Variants in FAM135B observed in about 807,000 individuals in gnomAD.
FAM135B encodes the protein family with sequence similarity 135 member B, also known as protein FAM135B.
In FAM135B, 43 loss-of-function variants were observed where a neutral mutation model predicts 127.7. That is an observed-to-expected ratio of 0.34 (90% CI 0.26 to 0.43). The LOEUF (loss-of-function observed/expected upper bound fraction) is 0.43, where lower values mean the gene tolerates loss of function less well. Ranked by LOEUF, FAM135B falls within the 20% of genes least tolerant of loss-of-function variation. The pLI is 1.00. For synonymous variants in FAM135B, 670 were observed against 665.1 expected (o/e 1.01, Z -0.11); for missense variants, 1,558 against 1,725.6 (o/e 0.90, Z 1.72).
At chr8:138,423,196 T>G (rs992433788) in intron 1 of FAM135B, among the ~76,000 whole-genome samples, 7 of 152,176 alleles carry the variant, frequency 4.6e-5, no homozygotes, top group African/African-American at 1.7e-4. Context: ...ATGAAATAAT[T>G]TGTAAGCCAA....
rs1554662772 is a variant in FAM135B, at chr8:138,314,693, C to CAGTA, written c.78-3774_78-3773insTACT. 3.3e-5 allele frequency among the ~76,000 whole-genome samples: 4 copies of CAGTA among 120,296 alleles called. 1 individual carries two copies. Among genetic ancestry groups the CAGTA allele is most frequent in the South Asian group, 6.0e-4 (2 of 3,356 alleles). 78.9% of individuals were successfully genotyped at this position (120,296 alleles called of 152,430 possible). A position where few individuals can be genotyped will look rare whatever the true frequency, so the allele number is the denominator to read the frequency against. On this transcript the variant is annotated intron_variant, in intron 2 of 19. Coordinates refer to ENST00000395297, the MANE Select transcript of FAM135B (RefSeq NM_015912.4). ...GCAATATATGGAGACCCCATCCCTA[C>CAGTA]AATAAATAAATAAATAAATAAATAA...
At chr8:138,374,041 C>T (rs961016716) in intron 1 of FAM135B, among the ~76,000 whole-genome samples, 3 of 152,114 alleles carry the variant, frequency 2.0e-5, no homozygotes, top group Non-Finnish European at 4.4e-5. Flanking sequence ...GTGACACACA[C>T]CCTATTCGTA....
intron 19 of FAM135B, among the ~76,000 whole-genome samples, chr8:138,134,263 T>C (rs1816444407): frequency 1.3e-5 from 2 of 152,214 alleles, no homozygotes; most frequent in Admixed American, 6.5e-5. Flanking sequence ...TGTATGTGAA[T>C]ATTATGTAAT....
rs554346956 is a variant in FAM135B, at chr8:138,452,011, G to A, written c.-20+44660C>T. Among the ~76,000 whole-genome samples, 11 of 151,468 alleles carry A rather than the reference G, an allele frequency of 7.3e-5. No individual in the cohort carries two copies. In the East Asian group the frequency reaches 1.7e-3, roughly 24 times the overall value. On this transcript the variant is annotated intron_variant, in intron 1 of 19. Coordinates refer to ENST00000395297, the MANE Select transcript of FAM135B (RefSeq NM_015912.4). ...TTTTATAATTAAGTTGCATTTAAAT[G>A]CAGACAAAATACACTAATAAAAAAT...
chr8:138,335,223 C>T (rs1828481524), intron 2 of FAM135B, among the ~76,000 whole-genome samples: 1 of 152,144 alleles, frequency 6.6e-6, no homozygotes, highest in South Asian at 2.1e-4. Flanking sequence ...CCATGCCCAT[C>T]GGAGAACTCG....
intron 1 of FAM135B, among the ~76,000 whole-genome samples, chr8:138,369,795 C>T (rs1019524054): frequency 1.3e-5 from 2 of 152,178 alleles, no homozygotes; most frequent in African/African-American, 4.8e-5. Flanking sequence ...TAAACATCAA[C>T]AGCTGCATTG....
rs201444748 is a variant in FAM135B at position 138,141,178 on chromosome 8, G to A, written c.3790+20C>T. ...CCCCAGATTAATTCTGAGGAATGAC[G>A]AGTCCTAGAAGAATCTTACCTGTAC... is the stretch of plus-strand genomic sequence containing the variant. On this transcript the variant is annotated intron_variant, in intron 17 of 19. Transcript: ENST00000395297. The surrounding 1 kb of genome is among the most constrained non-coding windows in gnomAD (Gnocchi z 4.7). 48 of 1,612,356 alleles carry A rather than the reference G, an allele frequency of 3.0e-5. No individual in the cohort carries two copies. Among genetic ancestry groups the A allele is most frequent in the East Asian group, 4.5e-5 (2 of 44,858 alleles).
chr8:138,421,831 T>C (rs778881418), intron 1 of FAM135B, among the ~76,000 whole-genome samples: 10 of 151,862 alleles, frequency 6.6e-5, no homozygotes, highest in African/African-American at 2.2e-4. Flanking sequence ...GCCAAAACAA[T>C]ACTAAGGAAA....
intron 1 of FAM135B, among the ~76,000 whole-genome samples, chr8:138,371,535 G>A (rs779538087): frequency 7.2e-5 from 11 of 152,122 alleles, no homozygotes; most frequent in Admixed American, 2.0e-4. Context: ...AGAATGTATC[G>A]TGATGAGTGC....
chr8:138,366,605 G>C (rs1830755237), intron 2 of FAM135B, among the ~76,000 whole-genome samples: 1 of 152,086 alleles, frequency 6.6e-6, no homozygotes, highest in South Asian at 2.1e-4. Context: ...TCTTCTCACT[G>C]CCTGGAGTTC....
chr8:138,418,293 G>A (rs188626902), intron 1 of FAM135B, among the ~76,000 whole-genome samples: 3 of 152,194 alleles, frequency 2.0e-5, no homozygotes, highest in Admixed American at 2.0e-4. Flanking sequence ...GAAAATGAGG[G>A]ATTATGTAAA....
At chr8:138,353,270 G>A (rs928664494) in intron 2 of FAM135B, among the ~76,000 whole-genome samples, 1 of 152,114 alleles carries the variant, frequency 6.6e-6, no homozygotes, top group Non-Finnish European at 1.5e-5. Flanking sequence ...CTCAGGATCA[G>A]TTCTCATCCA....
intron 1 of FAM135B, among the ~76,000 whole-genome samples, chr8:138,471,829 T>C (rs1837691159): frequency 6.6e-6 from 1 of 151,988 alleles, no homozygotes; most frequent in South Asian, 2.1e-4. Flanking sequence ...GAATTAGAGA[T>C]AACGTACACC....
intron 2 of FAM135B, among the ~76,000 whole-genome samples, chr8:138,327,260 T>C (rs1487655327): frequency 3.3e-5 from 5 of 152,316 alleles, no homozygotes; most frequent in African/African-American, 1.2e-4. Flanking sequence ...CTGTTGGTGA[T>C]TTACATTCAT....
At chr8:138,244,615 T>C (rs1821142410) in intron 6 of FAM135B, among the ~76,000 whole-genome samples, 1 of 152,238 alleles carries the variant, frequency 6.6e-6, no homozygotes, top group African/African-American at 2.4e-5. Context: ...ATTGTTCTGA[T>C]TTGTTTTCAA....
At chr8:138,427,135 A>G (rs1834932594) in intron 1 of FAM135B, among the ~76,000 whole-genome samples, 1 of 151,926 alleles carries the variant, frequency 6.6e-6, no homozygotes, top group African/African-American at 2.4e-5. Flanking sequence ...GATTGTAAAT[A>G]CCTTTGGTAG....
At position 138,310,879 on chromosome 8, in the gene FAM135B, A is replaced by T. The variant is rs766146630; in HGVS notation, c.119T>A (p.Ile40Asn). The T allele has an allele frequency of 3.1e-6, 5 of 1,613,828 alleles. No homozygotes were observed. The highest frequency in any genetic ancestry group is 1.7e-4 in the Middle Eastern group (1 of 6,054). ...IRVTLKVSSR[I>N]PHRLSASIAG... ...GATGGAGGCACTCAGTCTGTGGGGG[A>T]TCCTTGAAGACACCTTCAAGGTCAC... The change falls in exon 3 of 20, where the codon ATC becomes AAC. Residue 40 changes from isoleucine (I) to asparagine (N), a missense_variant. Ile to Asn is a moderately radical substitution (Grantham distance 149, BLOSUM62 -3). Coordinates refer to ENST00000395297, the MANE Select transcript of FAM135B (RefSeq NM_015912.4).
At chr8:138,282,496 A>C (rs1824338761) in intron 3 of FAM135B, among the ~76,000 whole-genome samples, 1 of 152,226 alleles carries the variant, frequency 6.6e-6, no homozygotes, top group South Asian at 2.1e-4. Context: ...GAAAACAAAC[A>C]ACCCAATTAA....
At chr8:138,249,605 C>T (rs559035153) in intron 6 of FAM135B, among the ~76,000 whole-genome samples, 3 of 152,250 alleles carry the variant, frequency 2.0e-5, no homozygotes, top group African/African-American at 7.2e-5. Context: ...TGGATCACAC[C>T]TTCAGGGGCA....
Sources: gnomAD v4.1 joint callset for allele counts (sites outside exome capture counted in the v4.1 genomes callset) on GRCh38, gnomAD v4.1.1 for gene constraint, Gnocchi (gnomAD v3.1) non-coding constraint, MANE v1.5 for transcripts, NCBI Gene and HGNC (gene_info 2026-07-23, HGNC 2026-07-21) for gene names.